Variants in SNX31 observed in about 807,000 individuals in gnomAD.
SNX31 encodes sorting nexin-31.
SNX31 carries 58 observed loss-of-function variants against 65.4 expected under a neutral mutation model. The observed-to-expected ratio is 0.89, with a 90% CI of 0.72 to 1.10. The LOEUF (loss-of-function observed/expected upper bound fraction) is 1.10. SNX31 is among the 50% of genes least tolerant of loss of function. The probability of loss-of-function intolerance (pLI) is 0.00; values close to 1 mark genes in which losing one functional copy is unlikely to be tolerated. For synonymous variants in SNX31, 181 were observed against 190.1 expected (o/e 0.95, Z 0.39); for missense variants, 523 against 529.7 (o/e 0.99, Z 0.12).
At chr8:100,634,200 C>T (rs1818594254) in intron 3 of SNX31, among the ~76,000 whole-genome samples, 1 of 152,084 alleles carries the variant, frequency 6.6e-6, no homozygotes, top group South Asian at 2.1e-4. Context: ...TTTCTAGGAC[C>T]CAGGCGAAGG....
chr8:100,652,399 A>C (rs746374324), upstream of SNX31, among the ~76,000 whole-genome samples: 5 of 152,184 alleles, frequency 3.3e-5, no homozygotes, highest in African/African-American at 1.2e-4. Flanking sequence ...CATGGTCAGC[A>C]CTCAATAAAA....
intron 2 of SNX31, among the ~76,000 whole-genome samples, chr8:100,643,778 C>T (rs986992827): frequency 6.6e-6 from 1 of 152,194 alleles, no homozygotes; most frequent in Non-Finnish European, 1.5e-5. Flanking sequence ...GGCAGAATTC[C>T]ATGCTGGGTG....
intron 8 of SNX31, among the ~76,000 whole-genome samples, chr8:100,601,403 T>A (rs1400914563): frequency 6.6e-6 from 1 of 152,168 alleles, no homozygotes; most frequent in Non-Finnish European, 1.5e-5. Context: ...CTAATTTTTA[T>A]AAAACAACAA....
intron 11 of SNX31, among the ~76,000 whole-genome samples, chr8:100,587,047 C>A (rs1034005456): frequency 1.3e-5 from 2 of 152,188 alleles, no homozygotes; most frequent in Admixed American, 1.3e-4. Context: ...ATTGCCCCTT[C>A]TTCTTTCCTA....
chr8:100,623,490 C>T (rs1455868362), intron 4 of SNX31, among the ~76,000 whole-genome samples: 2 of 152,266 alleles, frequency 1.3e-5, no homozygotes, highest in Non-Finnish European at 2.9e-5. Context: ...CCCAGGACTC[C>T]AGCCACACTC....
Position 100,617,632 on chromosome 8 carries a change from T to C in SNX31, c.420A>G (p.Glu140=). 3 of 1,608,648 alleles carry C rather than the reference T, an allele frequency of 1.9e-6. No homozygotes were observed. Among genetic ancestry groups the C allele is most frequent in the Non-Finnish European group, 2.6e-6 (3 of 1,175,192 alleles). The part of the protein sequence containing the change: ...RIEIITSDTA[E]RVLEVVSHKI... Reference sequence around the variant, plus strand: ...AAACAAAGCTTACCTCTAGGACTCTTTCAGCAGTGTCTGATGTTATAATTT... The same window carrying C: ...AAACAAAGCTTACCTCTAGGACTCTCTCAGCAGTGTCTGATGTTATAATTT... The change falls in exon 5 of 14, where the codon GAA becomes GAG. Residue 140 remains glutamate (E), a synonymous_variant. Transcript: ENST00000311812.
At chr8:100,650,860 T>TTTTG (rs1554590094), upstream of SNX31, among the ~76,000 whole-genome samples, 15 of 150,812 alleles carry the variant, frequency 9.9e-5, no homozygotes, top group East Asian at 7.8e-4. Flanking sequence ...GTTTTTTTTT[T>TTTTG]TTTTGTTTTG....
intron 2 of SNX31, among the ~76,000 whole-genome samples, chr8:100,642,047 C>T (rs888486600): frequency 1.3e-5 from 2 of 151,396 alleles, no homozygotes; most frequent in African/African-American, 4.9e-5. Flanking sequence ...CCACTGCACT[C>T]CAGCCTGGGC....
chr8:100,658,090 G>C (rs1282738151), intron 1 of SNX31, among the ~76,000 whole-genome samples: 2 of 152,128 alleles, frequency 1.3e-5, no homozygotes, highest in Admixed American at 1.3e-4. Flanking sequence ...CCCACCTTCA[G>C]GGATCCTGAT....
At chr8:100,602,076 A>T (rs1815689310) in intron 8 of SNX31, among the ~76,000 whole-genome samples, 1 of 152,186 alleles carries the variant, frequency 6.6e-6, no homozygotes, top group Non-Finnish European at 1.5e-5. Flanking sequence ...TCCCTCAGTT[A>T]GGCTGTCAAT....
At chr8:100,579,745 C>T (rs1213846432) in intron 12 of SNX31, among the ~76,000 whole-genome samples, 1 of 152,136 alleles carries the variant, frequency 6.6e-6, no homozygotes, top group African/African-American at 2.4e-5. Context: ...GTAAGGTAAT[C>T]AGGAATCAGA....
chr8:100,580,858 CTTTATTT>C (rs1190273665), intron 12 of SNX31, among the ~76,000 whole-genome samples: 1 of 152,156 alleles, frequency 6.6e-6, no homozygotes, highest in East Asian at 1.9e-4. Flanking sequence ...AACTAATATA[CTTTATTT>C]TTAAATAAAG....
At chr8:100,635,706 G>T (rs989804868) in intron 3 of SNX31, among the ~76,000 whole-genome samples, 191 bp downstream of exon 3, 1 of 152,124 alleles carries the variant, frequency 6.6e-6, no homozygotes, top group Non-Finnish European at 1.5e-5. Context: ...GAAAGAGGAA[G>T]TGATTGCCAA....
intron 9 of SNX31, among the ~76,000 whole-genome samples, chr8:100,599,770 T>G (rs1815444432): frequency 6.6e-6 from 1 of 152,182 alleles, no homozygotes. Context: ...ATTCGCTGCT[T>G]GGGGGCAGGA....
chr8:100,595,579 C>T (rs1815004469), intron 10 of SNX31, among the ~76,000 whole-genome samples: 1 of 152,064 alleles, frequency 6.6e-6, no homozygotes, highest in Admixed American at 6.6e-5. Context: ...CCTCCATTAG[C>T]ACTTAAATGT....
chr8:100,576,456 C>T lies in SNX31; in HGVS notation c.1227+563G>A, dbSNP rs1255273300. ...TCTTTGACTGCTGTGCAACCTTGGG[C>T]AGGTCACAAAACCTCTCTGTGCACT... On this transcript the variant is annotated intron_variant, in intron 13 of 13. Transcript: ENST00000311812. This position sits in a 1 kb window ranked among gnomAD's most constrained non-coding sequence, Gnocchi z 4.8. Among the ~76,000 whole-genome samples the T allele has an allele frequency of 6.6e-5, 10 of 152,160 alleles. No homozygotes were observed. Among genetic ancestry groups the T allele is most frequent in the African/African-American group, 2.4e-4 (10 of 41,420 alleles).
chr8:100,600,361 G>A lies in SNX31; in HGVS notation c.762C>T (p.Asp254=), dbSNP rs1389346060. 6.2e-7 allele frequency: 1 copy of A among 1,613,296 alleles called. No homozygotes were observed. Reference sequence around the variant, plus strand: ...ATATTTGATTCACCTTTGTTTGACTGTCTTCTTTCTGGAAAGCTTCTAATT... The same window carrying A: ...ATATTTGATTCACCTTTGTTTGACTATCTTCTTTCTGGAAAGCTTCTAATT... The part of the protein sequence containing the change: ...RQKLEAFQKE[D]SQTKFLELAR... The change falls in exon 9 of 14, where the codon GAC becomes GAT. Residue 254 remains aspartate, a synonymous_variant. Coordinates refer to ENST00000311812, the MANE Select transcript of SNX31 (RefSeq NM_152628.4).
chr8:100,600,315 C>T (rs373947576), intron 9 of SNX31, 34 bp downstream of exon 9: 1 of 1,562,710 alleles, frequency 6.4e-7, no homozygotes, highest in Non-Finnish European at 8.8e-7. Context: ...AACTCCCTTT[C>T]AAGGGATTTC....
intron 12 of SNX31, 24 bp from the exon 13 acceptor site, chr8:100,577,099 G>A: frequency 6.2e-7 from 1 of 1,606,364 alleles, no homozygotes; most frequent in Admixed American, 1.7e-5. Flanking sequence ...TGAAATGTCA[G>A]TCAGCTCAGC....
Sources: gnomAD v4.1 joint callset for allele counts (sites outside exome capture counted in the v4.1 genomes callset) on GRCh38, gnomAD v4.1.1 for gene constraint, Gnocchi (gnomAD v3.1) non-coding constraint, MANE v1.5 for transcripts, NCBI Gene and HGNC (gene_info 2026-07-23, HGNC 2026-07-21) for gene names.